STAG1: variants seen among roughly 807,000 people sequenced by gnomAD.
STAG1 encodes STAG1 cohesin complex component.
Under a neutral mutation model 170.9 loss-of-function variants are expected in STAG1, and 26 were observed. The ratio of observed to expected loss-of-function variants is 0.15; its 90% CI spans 0.11 to 0.21. The LOEUF (loss-of-function observed/expected upper bound fraction) is 0.21. STAG1 is among the 10% of genes least tolerant of loss of function. The pLI, the probability that STAG1 is intolerant of heterozygous loss-of-function variation, is 1.00. For missense variants in STAG1, 964 were observed against 1,509.5 expected (o/e 0.64, Z 5.99); for synonymous variants, 514 against 497.7 (o/e 1.03, Z -0.44).
chr3:136,646,203 C>A (rs1941005846), intron 1 of STAG1, among the ~76,000 whole-genome samples: 1 of 152,146 alleles, frequency 6.6e-6, no homozygotes, highest in African/African-American at 2.4e-5. Flanking sequence ...CACTTTCTCA[C>A]AAACACTCCT....
chr3:136,379,804 A>G (rs975258766), intron 22 of STAG1, among the ~76,000 whole-genome samples: 4 of 152,218 alleles, frequency 2.6e-5, no homozygotes, highest in South Asian at 2.1e-4. Flanking sequence ...AAAAAAAGCT[A>G]AAGAAGAATA....
chr3:136,710,526 T>C (rs1943354909), intron 1 of STAG1, among the ~76,000 whole-genome samples: 1 of 152,136 alleles, frequency 6.6e-6, no homozygotes, highest in Non-Finnish European at 1.5e-5. Flanking sequence ...TTTTCCATAG[T>C]ACCAGAATTT....
intron 24 of STAG1, among the ~76,000 whole-genome samples, chr3:136,368,225 A>G (rs1169621976): frequency 6.6e-6 from 1 of 152,192 alleles, no homozygotes; most frequent in East Asian, 1.9e-4. Flanking sequence ...AACAGCATCA[A>G]ATAGACTTGT....
chr3:136,446,519 T>A (rs1249194570), intron 14 of STAG1, among the ~76,000 whole-genome samples: 3 of 151,280 alleles, frequency 2.0e-5, no homozygotes. Context: ...GCCTCCCAGG[T>A]TCAAGCGATC....
intron 1 of STAG1, among the ~76,000 whole-genome samples, chr3:136,697,822 T>A (rs922497030): frequency 6.6e-6 from 1 of 152,218 alleles, no homozygotes; most frequent in Non-Finnish European, 1.5e-5. Flanking sequence ...TTCAGCCTGA[T>A]TACATTCCCA....
chr3:136,673,243 G>A (rs1411281372), intron 1 of STAG1, among the ~76,000 whole-genome samples: 1 of 152,142 alleles, frequency 6.6e-6, no homozygotes, highest in Non-Finnish European at 1.5e-5. Flanking sequence ...GGAAGAATAC[G>A]TAGCAAAGGG....
intron 1 of STAG1, chr3:136,736,432 G>A: frequency 1.7e-6 from 2 of 1,162,798 alleles, no homozygotes; most frequent in Non-Finnish European, 2.6e-6. Context: ...GAAAGAATGA[G>A]TCCTTCGAAG....
chr3:136,392,170 T>C (rs1347156513), intron 22 of STAG1, among the ~76,000 whole-genome samples: 2 of 152,154 alleles, frequency 1.3e-5, no homozygotes, highest in African/African-American at 4.8e-5. Context: ...AGCAATTCCA[T>C]TTCTAAGAAT....
chr3:136,355,351 T>TA (rs370605205), intron 28 of STAG1, among the ~76,000 whole-genome samples: 3,639 of 30,040 alleles, frequency 0.12, 604 homozygotes, highest in Non-Finnish European at 0.14. Context: ...GACTCCATCT[T>TA]AAAAAAAAAA....
At chr3:136,413,019 C>T (rs937300593) in intron 21 of STAG1, among the ~76,000 whole-genome samples, 2 of 151,564 alleles carry the variant, frequency 1.3e-5, no homozygotes, top group Non-Finnish European at 2.9e-5. Context: ...CGTGCCACCA[C>T]ACCTGGCTAC....
chr3:136,377,170 C>T (rs1249533159), intron 23 of STAG1, among the ~76,000 whole-genome samples: 2 of 148,114 alleles, frequency 1.4e-5, no homozygotes, highest in Non-Finnish European at 3.0e-5. Context: ...GAGGCTGAGG[C>T]GGGCTGATCA....
chr3:136,436,632 C>T (rs2088470893), intron 15 of STAG1, among the ~76,000 whole-genome samples: 1 of 152,086 alleles, frequency 6.6e-6, no homozygotes, highest in South Asian at 2.1e-4. Context: ...TTTCTCCTTC[C>T]CTCTGTATAC....
At chr3:136,551,266 A>AGAGAGC (rs1559874454) in intron 5 of STAG1, among the ~76,000 whole-genome samples, 2 of 140,274 alleles carry the variant, frequency 1.4e-5, no homozygotes, top group African/African-American at 5.4e-5. Flanking sequence ...AGAGAGGGAG[A>AGAGAGC]GCGAGAGAGC....
Position 136,604,433 on chromosome 3 carries a change from C to A in STAG1, c.173G>T (p.Ser58Ile). ...KKPRKSPGEK[S>I]RIEAGIRGAG... is the part of the protein sequence containing the mutation. ...TCCTCTAATTCCAGCTTCAATTCTG[C>A]TCTTCTCACCTGGAGATTTTCGAGG... The change falls in exon 4 of 34, where the codon AGC becomes ATC. Residue 58 changes from serine to isoleucine, a missense_variant. Physicochemically the swap from Ser to Ile is moderately radical, Grantham distance 142 (BLOSUM62 -2). Transcript: ENST00000383202. 6.2e-7 allele frequency: 1 copy of A among 1,610,002 alleles called. No individual in the cohort carries two copies. Among genetic ancestry groups the A allele is most frequent in the Non-Finnish European group, 8.5e-7 (1 of 1,178,746 alleles).
intron 1 of STAG1, among the ~76,000 whole-genome samples, chr3:136,702,587 T>C (rs1211198741): frequency 6.6e-6 from 1 of 151,996 alleles, no homozygotes; most frequent in East Asian, 2.0e-4. Context: ...GTTTTCACCA[T>C]GTCGGCCAGG....
rs557736473 is a variant in STAG1 at position 136,497,566 on chromosome 3, C to T, written c.902+2657G>A. Among the ~76,000 whole-genome samples, 45 of 152,228 alleles carry T rather than the reference C, an allele frequency of 3.0e-4. 1 individual carries two copies. Among genetic ancestry groups the T allele is most frequent in the Admixed American group, 2.6e-3 (40 of 15,292 alleles). On this transcript the variant is annotated intron_variant, in intron 9 of 33. Transcript: ENST00000383202. ...GAATAAAAAGAAACTTCCGGCTGGG[C>T]GCGATGGCTCATGCCTGTAACCCCA... is the stretch of plus-strand genomic sequence containing the variant.
intron 4 of STAG1, among the ~76,000 whole-genome samples, chr3:136,574,547 T>C (rs1247915551): frequency 6.6e-6 from 1 of 152,148 alleles, no homozygotes; most frequent in Non-Finnish European, 1.5e-5. Context: ...GTTATATTCA[T>C]GTCAAAGTAG....
At chr3:136,470,165 C>A (rs577931351) in intron 12 of STAG1, among the ~76,000 whole-genome samples, 7 of 152,276 alleles carry the variant, frequency 4.6e-5, no homozygotes, top group Admixed American at 3.3e-4. Flanking sequence ...AGCTTCTGCA[C>A]AGCAAAAGAA....
intron 21 of STAG1, among the ~76,000 whole-genome samples, chr3:136,399,191 CATTTT>C (rs935098739): frequency 2.0e-5 from 3 of 152,142 alleles, no homozygotes; most frequent in Non-Finnish European, 4.4e-5. Context: ...TATTTACCCA[CATTTT>C]ATAAGAAAAT....
Sources: allele counts gnomAD v4.1 joint callset (sites outside exome capture counted in the v4.1 genomes callset), GRCh38; gene constraint gnomAD v4.1.1; transcripts MANE v1.5; gene names NCBI Gene and HGNC (gene_info 2026-07-23, HGNC 2026-07-21).